The following OR10K1 variants were observed in gnomAD, a reference collection of about 807,000 sequenced individuals.
OR10K1 encodes the protein olfactory receptor family 10 subfamily K member 1.
For synonymous variants in OR10K1, 186 were observed against 152.5 expected, an observed-to-expected ratio of 1.22 and a Z score of -1.62; for missense variants, 404 against 373.3, an observed-to-expected ratio of 1.08 and a Z score of -0.68.
At chr1:158,464,480 T>C (rs1162867875) in intron 1 of OR10K1, among the ~76,000 whole-genome samples, 1 of 152,116 alleles carries the variant, frequency 6.6e-6, no homozygotes, top group African/African-American at 2.4e-5. Context: ...TCTACAAAAC[T>C]CTTATTTCTC....
In OR10K1 at chr1:158,466,319, GT is replaced by G; in HGVS notation, c.760del (p.Cys254ValfsTer7). ...SHLIVVTVHY[S>X]CASFIYLRPK... ...CTCATTGTGGTAACTGTTCACTACA[GT>G]TGTGCCTCTTTCATCTACTTAAGGC... On this transcript the variant is annotated frameshift_variant, in exon 2 of 2. Transcript: ENST00000641535. LOFTEE classifies it low-confidence loss of function (END_TRUNC). 2.5e-6 allele frequency: 4 copies of G among 1,614,088 alleles called. No individual in the cohort carries two copies. Among genetic ancestry groups the G allele is most frequent in the Non-Finnish European group, 3.4e-6 (4 of 1,180,012 alleles).
Position 158,466,445 on chromosome 1 carries a change from A to G in OR10K1, c.884A>G (p.Lys295Arg). 1 of 1,614,134 alleles carries G rather than the reference A, an allele frequency of 6.2e-7. No individual in the cohort carries two copies. The highest frequency in any genetic ancestry group is 8.5e-7 in the Non-Finnish European group (1 of 1,179,992). ...CCAATGATTTATAGTCTGAGAAATA[A>G]GGAATTCAAATCAGCCCTACGAAGA... ...FNPMIYSLRN[K>R]EFKSALRRTI... is the part of the protein sequence containing the mutation. Residue 295 changes from lysine to arginine, a missense_variant, in exon 2 of 2, where the codon AAG becomes AGG. By Grantham distance (26) the Lys-to-Arg change is conservative. Coordinates refer to ENST00000641535, the MANE Select transcript of OR10K1 (RefSeq NM_001004473.2).
At chr1:158,462,485 T>C (rs1469448489) in intron 1 of OR10K1, among the ~76,000 whole-genome samples, 2 of 151,530 alleles carry the variant, frequency 1.3e-5, no homozygotes, top group African/African-American at 2.4e-5. Flanking sequence ...ATGAAACAGA[T>C]ACTCCACTTG....
Position 158,461,841 on chromosome 1 carries a change from G to A in OR10K1, c.-220G>A, listed in dbSNP as rs896698964. Reference sequence around the variant, plus strand: ...GGATTTGTGGGGACTGGACTTGAATGATGGGTAGTGTTTGAGAAAGCCTCT... The same window carrying A: ...GGATTTGTGGGGACTGGACTTGAATAATGGGTAGTGTTTGAGAAAGCCTCT... On this transcript the variant is annotated 5_prime_UTR_variant, in exon 1 of 2. The change abolishes an upstream ATG in the 5' untranslated region. Transcript: ENST00000641535. 1.3e-5 allele frequency: 2 copies of A among 152,492 alleles called. No homozygotes were observed. The highest frequency in any genetic ancestry group is 1.3e-4 in the Admixed American group (2 of 15,284). The allele number at this position is 152,492 out of a possible 1,614,324, so 9.4% of individuals were successfully genotyped here.
Position 158,466,136 on chromosome 1 carries a change from C to T in OR10K1, c.575C>T (p.Ser192Phe), listed in dbSNP as rs755903676. The T allele has an allele frequency of 2.9e-5, 47 of 1,613,784 alleles. No homozygotes were observed. The highest frequency in any genetic ancestry group is 3.9e-5 in the Non-Finnish European group (46 of 1,179,886). ...GTCCTTAAACTGGCATCTCAGCACT[C>T]CGGCTTCAGTCAGCTGGTCATATTC... ...SPVLKLASQHSGFSQLVIFML... is the reference protein window; with the variant it reads ...SPVLKLASQHFGFSQLVIFML... Residue 192 changes from serine (S) to phenylalanine (F), a missense_variant, in exon 2 of 2, where the codon TCC becomes TTC. By Grantham distance (155) the Ser-to-Phe change is radical. Transcript: ENST00000641535.
At position 158,461,876 on chromosome 1, in the gene OR10K1, T is replaced by C. The variant is rs961562; in HGVS notation, c.-185T>C. On this transcript the variant is annotated 5_prime_UTR_variant, in exon 1 of 2. Transcript: ENST00000641535. ...GTTTGAGAAAGCCTCTTTCTGTGCCTCCCATGGAGATCAGTGATGGCATTT... is the reference window on the plus strand; with the variant it reads ...GTTTGAGAAAGCCTCTTTCTGTGCCCCCCATGGAGATCAGTGATGGCATTT... The C allele has an allele frequency of 0.48, 73,731 of 152,104 alleles. 18,695 individuals are homozygous for C. The highest frequency in any genetic ancestry group is 0.59 in the African/African-American group (24,533 of 41,450). 9.4% of individuals were successfully genotyped at this position (152,104 alleles called of 1,614,324 possible).
chr1:158,465,534 C>G lies in OR10K1; in HGVS notation c.-28C>G. 1 of 1,576,298 alleles carries G rather than the reference C, an allele frequency of 6.3e-7. No individual in the cohort carries two copies. The highest frequency in any genetic ancestry group is 8.7e-7 in the Non-Finnish European group (1 of 1,149,624). ...TGGATCCTGGTTTCTACCTCTGTCCCTGACTCTCCTTTATAGAAGTGCTCT... is the reference window on the plus strand; with the variant it reads ...TGGATCCTGGTTTCTACCTCTGTCCGTGACTCTCCTTTATAGAAGTGCTCT... On this transcript the variant is annotated 5_prime_UTR_variant, in exon 2 of 2. Coordinates refer to ENST00000641535, the MANE Select transcript of OR10K1 (RefSeq NM_001004473.2).
chr1:158,465,514 C>T lies in OR10K1; in HGVS notation c.-48C>T. 1.4e-6 allele frequency: 2 copies of T among 1,443,138 alleles called. No individual in the cohort carries two copies. The highest frequency in any genetic ancestry group is 9.6e-7 in the Non-Finnish European group (1 of 1,043,768). 89.4% of individuals were successfully genotyped at this position (1,443,138 alleles called of 1,614,324 possible). A position where few individuals can be genotyped will look rare whatever the true frequency, so the allele number is the denominator to read the frequency against. ...TACATTTCCACTCTCCTTTCTGGAT[C>T]CTGGTTTCTACCTCTGTCCCTGACT... On this transcript the variant is annotated 5_prime_UTR_variant, in exon 2 of 2. Transcript: ENST00000641535.
In OR10K1 at chr1:158,466,549, A is replaced by C; in HGVS notation, c.*46A>C. On this transcript the variant is annotated 3_prime_UTR_variant, in exon 2 of 2. Transcript: ENST00000641535. Reference sequence around the variant, plus strand: ...TAATGCCTAGTACATGCCAGGCAGAACGTGTGTTTTATACATTTTTTTTCA... The same window carrying C: ...TAATGCCTAGTACATGCCAGGCAGACCGTGTGTTTTATACATTTTTTTTCA... 8.4e-7 allele frequency: 1 copy of C among 1,185,010 alleles called. No individual in the cohort carries two copies. The highest frequency in any genetic ancestry group is 1.3e-5 in the South Asian group (1 of 77,736). 73.4% of individuals were successfully genotyped at this position (1,185,010 alleles called of 1,614,324 possible).
rs1300375617 is a variant in OR10K1, at chr1:158,465,546, T to C, written c.-16T>C. Reference sequence around the variant, plus strand: ...TCTACCTCTGTCCCTGACTCTCCTTTATAGAAGTGCTCTCCATGGAGCAAG... The same window carrying C: ...TCTACCTCTGTCCCTGACTCTCCTTCATAGAAGTGCTCTCCATGGAGCAAG... On this transcript the variant is annotated 5_prime_UTR_variant, in exon 2 of 2. Transcript: ENST00000641535. 5 of 1,604,628 alleles carry C rather than the reference T, an allele frequency of 3.1e-6. No individual in the cohort carries two copies. The highest frequency in any genetic ancestry group is 3.3e-5 in the Admixed American group (2 of 59,770).
At position 158,466,160 on chromosome 1, in the gene OR10K1, T is replaced by A; in HGVS notation, c.599T>A (p.Phe200Tyr). 6.2e-7 allele frequency: 1 copy of A among 1,614,030 alleles called. No homozygotes were observed. Among genetic ancestry groups the A allele is most frequent in the Non-Finnish European group, 8.5e-7 (1 of 1,179,948 alleles). ...QHSGFSQLVIFMLGVFALVIP... is the reference protein window; with the variant it reads ...QHSGFSQLVIYMLGVFALVIP... ...TCCGGCTTCAGTCAGCTGGTCATATTCATGCTTGGTGTATTTGCCTTGGTC... is the reference window on the plus strand; with the variant it reads ...TCCGGCTTCAGTCAGCTGGTCATATACATGCTTGGTGTATTTGCCTTGGTC... Residue 200 changes from phenylalanine (F) to tyrosine (Y), a missense_variant, in exon 2 of 2, where the codon TTC (phenylalanine) becomes TAC (tyrosine). Physicochemically the swap from Phe to Tyr is conservative, Grantham distance 22. Transcript: ENST00000641535.
Position 158,465,847 on chromosome 1 carries a change from G to T in OR10K1, c.286G>T (p.Gly96Cys). ...CCAGAAGAAGACCATTTCTTTCCTG[G>T]GCTGTGCCATCCAAATGTTTTCCTT... ...LSQKKTISFL[G>C]CAIQMFSFLF... is the part of the protein sequence containing the mutation. The change falls in exon 2 of 2, where the codon GGC (glycine) becomes TGC (cysteine). Residue 96 changes from glycine to cysteine, a missense_variant. Gly to Cys is a radical substitution (Grantham distance 159). Transcript: ENST00000641535. 6.2e-7 allele frequency: 1 copy of T among 1,614,088 alleles called. No individual in the cohort carries two copies.
rs73025861 is a variant in OR10K1 at position 158,465,556 on chromosome 1, C to T, written c.-6C>T. ...TCCCTGACTCTCCTTTATAGAAGTGCTCTCCATGGAGCAAGTCAATAAGAC... is the reference window on the plus strand; with the variant it reads ...TCCCTGACTCTCCTTTATAGAAGTGTTCTCCATGGAGCAAGTCAATAAGAC... On this transcript the variant is annotated 5_prime_UTR_variant, in exon 2 of 2. Coordinates refer to ENST00000641535, the MANE Select transcript of OR10K1 (RefSeq NM_001004473.2). 1.8e-3 allele frequency: 2,834 copies of T among 1,610,638 alleles called. 44 individuals are homozygous for T. In the African/African-American group the frequency reaches 0.034, roughly 19 times the overall value.
chr1:158,462,279 G>GAA (rs34788864), intron 1 of OR10K1, among the ~76,000 whole-genome samples: 7 of 140,876 alleles, frequency 5.0e-5, no homozygotes, highest in Admixed American at 1.4e-4. Flanking sequence ...GACTCCTTCT[G>GAA]AAAAAAAAAA....
chr1:158,466,279 A>G lies in OR10K1; in HGVS notation c.718A>G (p.Thr240Ala). Reference sequence around the variant, plus strand: ...CGTTGGAAGATACAAGACCTTCTCCACCTGTGCCTCCCATCTCATTGTGGT... The same window carrying G: ...CGTTGGAAGATACAAGACCTTCTCCGCCTGTGCCTCCCATCTCATTGTGGT... ...SSVGRYKTFS[T>A]CASHLIVVTV... is the part of the protein sequence containing the mutation. Residue 240 changes from threonine (T) to alanine (A), a missense_variant, in exon 2 of 2, where the codon ACC (threonine) becomes GCC (alanine). Physicochemically the swap from Thr to Ala is moderately conservative, Grantham distance 58. Transcript: ENST00000641535. 16 of 1,614,018 alleles carry G rather than the reference A, an allele frequency of 9.9e-6. No individual in the cohort carries two copies. Among genetic ancestry groups the G allele is most frequent in the Non-Finnish European group, 1.4e-5 (16 of 1,179,978 alleles).
chr1:158,464,824 C>A (rs918577138), intron 1 of OR10K1, among the ~76,000 whole-genome samples: 5 of 151,818 alleles, frequency 3.3e-5, no homozygotes, highest in African/African-American at 1.2e-4. Flanking sequence ...AATTTTTGTA[C>A]TTTTAGTAAA....
rs1239871717 is a variant in OR10K1 at position 158,461,856 on chromosome 1, A to T, written c.-205A>T. On this transcript the variant is annotated 5_prime_UTR_variant, in exon 1 of 2. An upstream open reading frame in the 5' UTR loses its in-frame stop. Transcript: ENST00000641535. ...GGACTTGAATGATGGGTAGTGTTTG[A>T]GAAAGCCTCTTTCTGTGCCTCCCAT... The T allele has an allele frequency of 1.3e-5, 2 of 152,458 alleles. No homozygotes were observed. Among genetic ancestry groups the T allele is most frequent in the East Asian group, 1.9e-4 (1 of 5,196 alleles). The allele number at this position is 152,458 out of a possible 1,614,324, so 9.4% of individuals were successfully genotyped here. A position where few individuals can be genotyped will look rare whatever the true frequency, so the allele number is the denominator to read the frequency against.
chr1:158,465,100 C>T (rs187709546), intron 1 of OR10K1, among the ~76,000 whole-genome samples: 1 of 152,268 alleles, frequency 6.6e-6, no homozygotes. Context: ...ACTTTATCTC[C>T]TTTCTCATTT....
Position 158,466,410 on chromosome 1 carries a change from A to T in OR10K1, c.849A>T (p.Pro283=), listed in dbSNP as rs375044803. Residue 283 remains proline (P), a synonymous_variant, in exon 2 of 2, where the codon CCA becomes CCT. Coordinates refer to ENST00000641535, the MANE Select transcript of OR10K1 (RefSeq NM_001004473.2). ...LISVSYTILT[P]LFNPMIYSLR... ...CTGTGTCATACACCATCCTTACCCC[A>T]TTGTTCAATCCAATGATTTATAGTC... 37 of 1,613,838 alleles carry T rather than the reference A, an allele frequency of 2.3e-5. No individual in the cohort carries two copies. Among genetic ancestry groups the T allele is most frequent in the Non-Finnish European group, 3.1e-5 (37 of 1,179,872 alleles).
Sources: gnomAD v4.1 joint callset for allele counts (sites outside exome capture counted in the v4.1 genomes callset) on GRCh38, gnomAD v4.1.1 for gene constraint, MANE v1.5 for transcripts, NCBI Gene and HGNC (gene_info 2026-07-23, HGNC 2026-07-21) for gene names.